LIMS2: variants seen among roughly 807,000 people sequenced by gnomAD.
The protein encoded by LIMS2 is LIM zinc finger domain containing 2, also known as LIM and senescent cell antigen-like-containing domain protein 2.
Under a neutral mutation model 45.3 loss-of-function variants are expected in LIMS2, and 30 were observed. That is an observed-to-expected ratio of 0.66 (90% confidence interval 0.50 to 0.90). LIMS2 has a LOEUF of 0.90. Ranked by LOEUF, LIMS2 falls within the 40% of genes least tolerant of loss-of-function variation. The pLI is 0.00. For synonymous variants in LIMS2, 173 were observed against 188.0 expected (o/e 0.92, Z 0.65); for missense variants, 485 against 468.7 (o/e 1.03, Z -0.32).
At position 127,640,063 on chromosome 2, in the gene LIMS2, G is replaced by C. The variant is rs1215708136; in HGVS notation, c.878+7C>G. On this transcript the variant is annotated splice_region_variant and intron_variant, in intron 9 of 9. Coordinates refer to ENST00000355119, the MANE Select transcript of LIMS2 (RefSeq NM_001161403.3). ...CTGAGCCCCATCCCACGATCACAGG[G>C]ACTCACTTCAGGGTGAGCTTGCTGT... 6.2e-7 allele frequency: 1 copy of C among 1,613,220 alleles called. No homozygotes were observed.
chr2:127,664,462 G>A lies in LIMS2; in HGVS notation c.12-6900C>T. ...GGGGCTATGGGACCACCTCGGAGGG[G>A]AGGCGCGGCCGCCTGGGGCCAGACA... On this transcript the variant is annotated intron_variant, in intron 1 of 9. Coordinates refer to ENST00000355119, the MANE Select transcript of LIMS2 (RefSeq NM_001161403.3). This position sits in a 1 kb window ranked among gnomAD's most constrained non-coding sequence, Gnocchi z 5.5. The A allele has an allele frequency of 8.4e-7, 1 of 1,184,448 alleles. No individual in the cohort carries two copies. The highest frequency in any genetic ancestry group is 1.0e-6 in the Non-Finnish European group (1 of 957,612). The allele number at this position is 1,184,448 out of a possible 1,614,324, so 73.4% of individuals were successfully genotyped here. A position where few individuals can be genotyped will look rare whatever the true frequency, so the allele number is the denominator to read the frequency against.
rs980333228 is a variant in LIMS2 at position 127,650,578 on chromosome 2, C to G, written c.359+3846G>C. On this transcript the variant is annotated intron_variant, in intron 4 of 9. Transcript: ENST00000355119. The stretch of plus-strand genomic sequence containing the variant: ...CACACCAAATGGACAAGGAGGTCCC[C>G]TCAGCAGCCCCGTGGGCGGTGCTGA... The G allele has an allele frequency of 7.8e-6, 5 of 642,772 alleles. No individual in the cohort carries two copies. The African/African-American group carries it at 9.1e-5, about 12-fold the overall frequency. The allele number at this position is 642,772 out of a possible 1,614,324, so 39.8% of individuals were successfully genotyped here.
chr2:127,661,686 TC>T (rs1684673029), intron 1 of LIMS2, among the ~76,000 whole-genome samples: 1 of 152,140 alleles, frequency 6.6e-6, no homozygotes, highest in South Asian at 2.1e-4. Context: ...CTCAGCCCTC[TC>T]CAGCACCCCA....
chr2:127,659,070 G>C (rs536488395), intron 1 of LIMS2, among the ~76,000 whole-genome samples: 1 of 152,136 alleles, frequency 6.6e-6, no homozygotes, highest in Non-Finnish European at 1.5e-5. Flanking sequence ...ACAGGGCTGC[G>C]CTTAGGGTCT....
chr2:127,654,684 G>A, intron 3 of LIMS2, 140 bp from the exon 4 acceptor site: 8 of 1,482,172 alleles, frequency 5.4e-6, no homozygotes, highest in Non-Finnish European at 7.4e-6. Context: ...ATGCCTGTAG[G>A]GGGCCTGACG....
chr2:127,651,533 G>A (rs766379388), intron 4 of LIMS2: 1 of 1,612,528 alleles, frequency 6.2e-7, no homozygotes, highest in Non-Finnish European at 8.5e-7. Flanking sequence ...GCAGCCATGG[G>A]GCCTCCTGCG....
chr2:127,660,112 C>T (rs1341538569), intron 1 of LIMS2, among the ~76,000 whole-genome samples: 2 of 152,180 alleles, frequency 1.3e-5, no homozygotes, highest in African/African-American at 4.8e-5. Context: ...TCTGTCTAGC[C>T]AAAGGATTGT....
At chr2:127,640,166 TCAGCAGGC>T in intron 8 of LIMS2, 21 bp from the exon 9 acceptor site, 1 of 1,613,042 alleles carries the variant, frequency 6.2e-7, no homozygotes, top group Non-Finnish European at 8.5e-7. Flanking sequence ...AGCGTGGGAC[TCAGCAGGC>T]CTGGCTAGGC....
chr2:127,649,033 AAAAGAAAGAAAG>A (rs1163037177), intron 4 of LIMS2, among the ~76,000 whole-genome samples: 5 of 110,454 alleles, frequency 4.5e-5, no homozygotes, highest in Admixed American at 8.4e-5. Context: ...GAAAGAAAGA[AAAAGAAAGAAAG>A]AGAAAAGAAG....
upstream of LIMS2, among the ~76,000 whole-genome samples, chr2:127,679,985 C>T (rs1047161054): frequency 1.3e-5 from 2 of 152,232 alleles, no homozygotes; most frequent in Non-Finnish European, 2.9e-5. This position sits in a 1 kb window ranked among gnomAD's most constrained non-coding sequence, Gnocchi z 5.3. Flanking sequence ...CAGACGGCCA[C>T]TCTACAAGGC....
chr2:127,681,427 A>G (rs1421382742), exon 1 of LIMS2: 2 of 152,422 alleles, frequency 1.3e-5, no homozygotes, highest in East Asian at 3.9e-4. Flanking sequence ...TGGCACAGCC[A>G]CGTGCAAGAC....
intron 1 of LIMS2, among the ~76,000 whole-genome samples, chr2:127,660,898 G>A (rs1366206355): frequency 7.4e-6 from 1 of 135,314 alleles, no homozygotes. Context: ...GTGGCCGACA[G>A]TATCGCACAA....
In LIMS2 at chr2:127,664,440, G is replaced by A. The variant is rs1684885779; in HGVS notation, c.12-6878C>T. On this transcript the variant is annotated intron_variant, in intron 1 of 9. Coordinates refer to ENST00000355119, the MANE Select transcript of LIMS2 (RefSeq NM_001161403.3). This position sits in a 1 kb window ranked among gnomAD's most constrained non-coding sequence, Gnocchi z 5.5. ...CGGGCGCGGGCCGCCTGGTGCAGGG[G>A]CTATGGGACCACCTCGGAGGGGAGG... is the stretch of plus-strand genomic sequence containing the variant. 1.7e-6 allele frequency: 2 copies of A among 1,189,258 alleles called. No individual in the cohort carries two copies. Among genetic ancestry groups the A allele is most frequent in the Middle Eastern group, 3.3e-4 (1 of 2,994 alleles). 73.7% of individuals were successfully genotyped at this position (1,189,258 alleles called of 1,614,324 possible).
At position 127,642,172 on chromosome 2, in the gene LIMS2, C is replaced by T; in HGVS notation, c.537G>A (p.Glu179=). ...GCAGGCAGTAGAGCTCACCCTTCAG[C>T]TCGCGGGCCTCGGCTGTCAGCTCCT... ...CGKELTAEAR[E]LKGELYCLPC... is the part of the protein sequence containing the mutation. Residue 179 remains glutamate, a synonymous_variant, in exon 6 of 10, where the codon GAG becomes GAA. Transcript: ENST00000355119. The surrounding 1 kb of genome is among the most constrained non-coding windows in gnomAD (Gnocchi z 5.3). 1 of 1,573,360 alleles carries T rather than the reference C, an allele frequency of 6.4e-7. No individual in the cohort carries two copies. Among genetic ancestry groups the T allele is most frequent in the Non-Finnish European group, 8.7e-7 (1 of 1,155,264 alleles).
intron 1 of LIMS2, among the ~76,000 whole-genome samples, chr2:127,663,939 A>C (rs1573836467): frequency 6.6e-6 from 1 of 152,074 alleles, no homozygotes; most frequent in African/African-American, 2.4e-5. Flanking sequence ...TTCAAATCAC[A>C]GCATAGCCAT....
intron 4 of LIMS2, 102 bp downstream of exon 4, chr2:127,654,322 C>A (rs1350347997): frequency 1.4e-5 from 21 of 1,516,400 alleles, no homozygotes; most frequent in Non-Finnish European, 1.8e-5. Context: ...AGCACCGGGA[C>A]CCTTCTGCGC....
chr2:127,664,534 G>A lies in LIMS2; in HGVS notation c.12-6972C>T, dbSNP rs568491819. 3.2e-5 allele frequency: 37 copies of A among 1,152,184 alleles called. No individual in the cohort carries two copies. In the East Asian group the frequency reaches 1.2e-3, roughly 37 times the overall value. 71.4% of individuals were successfully genotyped at this position (1,152,184 alleles called of 1,614,324 possible). Reference sequence around the variant, plus strand: ...GGCGCCTCCCCCGCGCTGGTCGCGAGCTCACGTTACGCGCTGGGATCTCCA... The same window carrying A: ...GGCGCCTCCCCCGCGCTGGTCGCGAACTCACGTTACGCGCTGGGATCTCCA... On this transcript the variant is annotated intron_variant, in intron 1 of 9. Transcript: ENST00000355119. The surrounding 1 kb of genome is among the most constrained non-coding windows in gnomAD (Gnocchi z 5.5).
Position 127,664,419 on chromosome 2 carries a change from C to A in LIMS2, c.12-6857G>T, listed in dbSNP as rs1370570744. The A allele has an allele frequency of 8.4e-7, 1 of 1,193,418 alleles. No homozygotes were observed. 73.9% of individuals were successfully genotyped at this position (1,193,418 alleles called of 1,614,324 possible). A position where few individuals can be genotyped will look rare whatever the true frequency, so the allele number is the denominator to read the frequency against. ...GGGGCAGCCGCCTTGAGGTCGCGGG[C>A]GCGGGCCGCCTGGTGCAGGGGCTAT... On this transcript the variant is annotated intron_variant, in intron 1 of 9. Coordinates refer to ENST00000355119, the MANE Select transcript of LIMS2 (RefSeq NM_001161403.3). This position sits in a 1 kb window ranked among gnomAD's most constrained non-coding sequence, Gnocchi z 5.5.
At chr2:127,652,508 A>AG (rs1234569499) in intron 4 of LIMS2, 1 of 166,898 alleles carries the variant, frequency 6.0e-6, no homozygotes, top group African/African-American at 2.4e-5. Flanking sequence ...CCACTGACCC[A>AG]GACCCACTTC....
Sources: gnomAD v4.1 joint callset for allele counts (sites outside exome capture counted in the v4.1 genomes callset) on GRCh38, gnomAD v4.1.1 for gene constraint, Gnocchi (gnomAD v3.1) non-coding constraint, MANE v1.5 for transcripts, NCBI Gene and HGNC (gene_info 2026-07-23, HGNC 2026-07-21) for gene names.